The following DHRS12 variants were observed in gnomAD, a reference collection of about 807,000 sequenced individuals.
DHRS12 encodes dehydrogenase/reductase 12.
In DHRS12, 29 loss-of-function variants were observed where a neutral mutation model predicts 32.1. That is an observed-to-expected ratio of 0.90 (90% CI 0.67 to 1.23). The LOEUF is 1.23. DHRS12 is among the 50% of genes most tolerant of loss of function. The probability of loss-of-function intolerance (pLI) is 0.00; values close to 1 mark genes in which losing one functional copy is unlikely to be tolerated. For synonymous variants in DHRS12, 150 were observed against 135.9 expected (o/e 1.10, Z -0.72); for missense variants, 330 against 337.2 (o/e 0.98, Z 0.17).
At position 51,799,642 on chromosome 13, in the gene DHRS12, C is replaced by A. The variant is rs770572615; in HGVS notation, c.18G>T (p.Lys6Asn). 4 of 1,614,098 alleles carry A rather than the reference C, an allele frequency of 2.5e-6. No individual in the cohort carries two copies. Among genetic ancestry groups the A allele is most frequent in the African/African-American group, 1.3e-5 (1 of 75,052 alleles). Residue 6 changes from lysine to asparagine, a missense_variant, in exon 2 of 9, where the codon AAG (lysine) becomes AAT (asparagine). Physicochemically the swap from Lys to Asn is moderately conservative, Grantham distance 94. Coordinates refer to ENST00000444610, the MANE Select transcript of DHRS12 (RefSeq NM_001377533.1). ...ACCTCCAAGTCATGAGGGACAAAGT[C>A]TTTACATGCAGATTCATAGCCACTC... MNLHV[K>N]TLSLMTWRSR...
At chr13:51,789,442 T>C in intron 4 of DHRS12, 1 of 718,512 alleles carries the variant, frequency 1.4e-6, no homozygotes, top group Non-Finnish European at 1.7e-6. Context: ...TTCCAGAGTT[T>C]CAGATTCTGT....
the DHRS12 span, chr13:51,761,624 A>G: frequency 6.6e-6 from 1 of 152,180 alleles, no homozygotes; most frequent in African/African-American, 2.4e-5. Context: ...CTTTTCCTGG[A>G]AAGCCGTTTT....
At chr13:51,788,282 A>G (rs1372265450) in intron 4 of DHRS12, among the ~76,000 whole-genome samples, 1 of 152,158 alleles carries the variant, frequency 6.6e-6, no homozygotes, top group African/African-American at 2.4e-5. Context: ...GCCAAACTCT[A>G]GCATGACCCC....
chr13:51,788,209 G>A (rs940833638), intron 4 of DHRS12, among the ~76,000 whole-genome samples: 19 of 152,052 alleles, frequency 1.2e-4, no homozygotes, highest in Non-Finnish European at 8.8e-5. Context: ...CCAGTCCTGC[G>A]GAACAGTGCC....
chr13:51,771,015 A>G (rs962375692), intron 7 of DHRS12: 2 of 1,415,944 alleles, frequency 1.4e-6, no homozygotes, highest in Admixed American at 2.9e-5. Flanking sequence ...CCATGCCAGC[A>G]GTGTGTGAGA....
rs1462474222 is a variant in DHRS12, at chr13:51,782,475, ATGTGGTAGAGG to A, written c.302-5365_302-5355del. 6.6e-6 allele frequency among the ~76,000 whole-genome samples: 1 copy of A among 152,164 alleles called. No homozygotes were observed. Among genetic ancestry groups the A allele is most frequent in the African/African-American group, 2.4e-5 (1 of 41,432 alleles). On this transcript the variant is annotated intron_variant, in intron 4 of 8. Transcript: ENST00000444610. This position sits in a 1 kb window ranked among gnomAD's most constrained non-coding sequence, Gnocchi z 4.2. ...CAGCTGTGCCCAGTGCTGCCCATGG[ATGTGGTAGAGG>A]TGCGCTCTCCAGAACCAGGAATATC...
At chr13:51,761,826 A>G in the DHRS12 span, 1 of 152,172 alleles carries the variant, frequency 6.6e-6, no homozygotes, top group African/African-American at 2.4e-5. Context: ...CACTTGAGCC[A>G]TCAGACCGGC....
chr13:51,758,265 T>G, the DHRS12 span: 9 of 1,601,570 alleles, frequency 5.6e-6, no homozygotes, highest in Non-Finnish European at 6.8e-6. Context: ...AACCAGAGGA[T>G]GGTTACTGAC....
the DHRS12 span, among the ~76,000 whole-genome samples, chr13:51,755,617 A>G: frequency 1.3e-5 from 2 of 152,120 alleles, no homozygotes; most frequent in Admixed American, 1.3e-4. Flanking sequence ...TCTGTCTACC[A>G]TAGCCCATTC....
chr13:51,754,988 T>C, the DHRS12 span, among the ~76,000 whole-genome samples: 1 of 152,204 alleles, frequency 6.6e-6, no homozygotes, highest in Non-Finnish European at 1.5e-5. Flanking sequence ...CCATCTGTGC[T>C]CCAGCCATCC....
At chr13:51,803,913 GCAC>G (rs1955873708) in intron 1 of DHRS12, 138 bp downstream of exon 1, 6 of 726,136 alleles carry the variant, frequency 8.3e-6, no homozygotes, top group Non-Finnish European at 1.1e-5. Context: ...GACGGCGGGC[GCAC>G]CCGTCGTTCT....
chr13:51,755,454 A>G, the DHRS12 span: 1 of 1,613,940 alleles, frequency 6.2e-7, no homozygotes, highest in Middle Eastern at 1.7e-4. Flanking sequence ...AATTGGTCTA[A>G]GACAGGTGAG....
At chr13:51,777,796 A>T (rs1954509854) in intron 4 of DHRS12, among the ~76,000 whole-genome samples, 1 of 152,194 alleles carries the variant, frequency 6.6e-6, no homozygotes, top group East Asian at 1.9e-4. Flanking sequence ...GATGCCCTGA[A>T]AGGTTAAAAA....
chr13:51,794,481 A>G (rs1955423199), intron 2 of DHRS12, among the ~76,000 whole-genome samples: 1 of 152,226 alleles, frequency 6.6e-6, no homozygotes, highest in South Asian at 2.1e-4. Context: ...GAAGCTAGAA[A>G]TCCACATTGG....
chr13:51,803,918 C>G (rs1291659254), intron 1 of DHRS12, 136 bp downstream of exon 1: 5 of 802,006 alleles, frequency 6.2e-6, no homozygotes, highest in Non-Finnish European at 6.7e-6. Context: ...CGGGCGCACC[C>G]GTCGTTCTGG....
At chr13:51,776,159 T>C (rs1300330335) in intron 5 of DHRS12, 2 of 105,086 alleles carry the variant, frequency 1.9e-5, no homozygotes, top group Non-Finnish European at 3.7e-5. Flanking sequence ...CCTACATGTA[T>C]TCTACAGTAT....
chr13:51,797,652 C>T (rs974124050), intron 2 of DHRS12, among the ~76,000 whole-genome samples: 6 of 152,188 alleles, frequency 3.9e-5, no homozygotes, highest in Admixed American at 1.3e-4. Flanking sequence ...ATCCCCTTGT[C>T]AAACCTAGCC....
At chr13:51,755,381 T>C in the DHRS12 span, 3 of 1,614,208 alleles carry the variant, frequency 1.9e-6, no homozygotes, top group East Asian at 6.7e-5. Flanking sequence ...TGGACAGTGA[T>C]TCCTGCCAAA....
At chr13:51,769,957 T>C (rs1423119375) in intron 7 of DHRS12, among the ~76,000 whole-genome samples, 2 of 152,022 alleles carry the variant, frequency 1.3e-5, no homozygotes, top group Non-Finnish European at 2.9e-5. Context: ...CCACACCCCA[T>C]TTTCCCACAG....
Sources: gnomAD v4.1 joint callset for allele counts (sites outside exome capture counted in the v4.1 genomes callset) on GRCh38, gnomAD v4.1.1 for gene constraint, Gnocchi (gnomAD v3.1) non-coding constraint, MANE v1.5 for transcripts, NCBI Gene and HGNC (gene_info 2026-07-23, HGNC 2026-07-21) for gene names.